Variants in IL5RA observed in about 807,000 individuals in gnomAD.
IL5RA encodes interleukin-5 receptor subunit alpha.
Under a neutral mutation model 50.0 loss-of-function variants are expected in IL5RA, and 49 were observed. The observed-to-expected ratio is 0.98, with a 90% CI of 0.78 to 1.24. IL5RA has a LOEUF of 1.24. IL5RA is among the 50% of genes most tolerant of loss of function. The pLI, the probability that IL5RA is intolerant of heterozygous loss-of-function variation, is 0.00. For synonymous variants in IL5RA, 202 were observed against 174.0 expected (o/e 1.16, Z -1.26); for missense variants, 600 against 500.4 (o/e 1.20, Z -1.90).
intron 11 of IL5RA, among the ~76,000 whole-genome samples, chr3:3,072,099 C>G (rs916089484): frequency 6.6e-6 from 1 of 152,366 alleles, no homozygotes; most frequent in African/African-American, 2.4e-5. Flanking sequence ...TCTTGTCACC[C>G]TTGTAGCACA....
chr3:3,097,072 C>A (rs1216420018), intron 7 of IL5RA, among the ~76,000 whole-genome samples: 3 of 152,182 alleles, frequency 2.0e-5, no homozygotes. Flanking sequence ...TAACCACCCA[C>A]CATTGAAATC....
In IL5RA at chr3:3,092,112, A is replaced by G; in HGVS notation, c.994+112T>C. 1 of 1,497,088 alleles carries G rather than the reference A, an allele frequency of 6.7e-7. No homozygotes were observed. The allele number at this position is 1,497,088 out of a possible 1,614,324, so 92.7% of individuals were successfully genotyped here. On this transcript the variant is annotated intron_variant, in intron 9 of 11. Coordinates refer to ENST00000446632, the MANE Select transcript of IL5RA (RefSeq NM_175726.4). The surrounding 1 kb of genome is among the most constrained non-coding windows in gnomAD (Gnocchi z 4.2). ...AGTAGACCGAGAGAAAATTAGTCAC[A>G]ATAGAGATATGAAACCATTTTAAGA...
chr3:3,091,958 G>A, intron 9 of IL5RA: 2 of 1,185,406 alleles, frequency 1.7e-6, no homozygotes, highest in Non-Finnish European at 2.1e-6. Context: ...TTTAAAAAAT[G>A]GATAGAAGTA....
rs17885064 is a variant in IL5RA at position 3,088,184 on chromosome 3, C to T, written c.994+4040G>A. 8.2e-3 allele frequency among the ~76,000 whole-genome samples: 1,245 copies of T among 152,278 alleles called. 13 individuals are homozygous for T. Among genetic ancestry groups the T allele is most frequent in the African/African-American group, 0.027 (1,112 of 41,566 alleles). ...TGGAGAGTGAATAATAAATTAAAAA[C>T]AAGCTTAAAATAAGCGCTCGTTATG... On this transcript the variant is annotated intron_variant, in intron 9 of 11. Transcript: ENST00000446632.
intron 11 of IL5RA, 36 bp downstream of exon 11, chr3:3,074,746 A>T (rs1326894942): frequency 8.0e-7 from 1 of 1,252,250 alleles, no homozygotes; most frequent in East Asian, 2.3e-5. Flanking sequence ...TCAACCCTGG[A>T]CACATACGGC....
Position 3,092,225 on chromosome 3 carries a change from C to T in IL5RA, c.993G>A (p.Val331=), listed in dbSNP as rs1019033766. Residue 331 remains valine, a splice_region_variant and synonymous_variant, in exon 9 of 12, where the codon GTG becomes GTA. Coordinates refer to ENST00000446632, the MANE Select transcript of IL5RA (RefSeq NM_175726.4). This position sits in a 1 kb window ranked among gnomAD's most constrained non-coding sequence, Gnocchi z 4.2. ...GTAAAATAAACATAAGCTACTTACC[C>T]ACATAAATAGGTTGGCTCCACTCAC... is the stretch of plus-strand genomic sequence containing the variant. ...LWSEWSQPIY[V]GNDEHKPLRE... is the part of the protein sequence containing the mutation. 5 of 1,612,374 alleles carry T rather than the reference C, an allele frequency of 3.1e-6. No homozygotes were observed. Among genetic ancestry groups the T allele is most frequent in the Non-Finnish European group, 4.2e-6 (5 of 1,179,628 alleles).
chr3:3,070,811 G>T (rs894259917), intron 11 of IL5RA, among the ~76,000 whole-genome samples: 4 of 151,852 alleles, frequency 2.6e-5, no homozygotes, highest in African/African-American at 9.7e-5. Flanking sequence ...TCGAACTCTT[G>T]ACCTTGTGAT....
At chr3:3,088,909 C>T (rs1327135550) in intron 9 of IL5RA, among the ~76,000 whole-genome samples, 1 of 152,180 alleles carries the variant, frequency 6.6e-6, no homozygotes, top group Non-Finnish European at 1.5e-5. Flanking sequence ...TAAACTTCCA[C>T]CTTAGGCATT....
chr3:3,086,798 G>A (rs756082196), intron 9 of IL5RA, among the ~76,000 whole-genome samples: 8 of 152,170 alleles, frequency 5.3e-5, no homozygotes, highest in Non-Finnish European at 1.0e-4. Context: ...CAATTGCAAA[G>A]ATATGGAATC....
At chr3:3,078,111 C>A (rs755199865) in intron 9 of IL5RA, among the ~76,000 whole-genome samples, 2 of 152,126 alleles carry the variant, frequency 1.3e-5, no homozygotes, top group Non-Finnish European at 2.9e-5. Flanking sequence ...TAATGACGAG[C>A]GTGCTAAATA....
At position 3,092,306 on chromosome 3, in the gene IL5RA, G is replaced by A. The variant is rs146961931; in HGVS notation, c.912C>T (p.Tyr304=). Residue 304 remains tyrosine (Y), a synonymous_variant, in exon 9 of 12, where the codon TAC becomes TAT. Coordinates refer to ENST00000446632, the MANE Select transcript of IL5RA (RefSeq NM_175726.4). The surrounding 1 kb of genome is among the most constrained non-coding windows in gnomAD (Gnocchi z 4.2). ...TCACTGCTGCTCTCACTTGAACATCGTACTTAGAAAGATCATCAATTATTG... is the reference window on the plus strand; with the variant it reads ...TCACTGCTGCTCTCACTTGAACATCATACTTAGAAAGATCATCAATTATTG... ...FISIIDDLSK[Y]DVQVRAAVSS... 128 of 1,613,758 alleles carry A rather than the reference G, an allele frequency of 7.9e-5. No individual in the cohort carries two copies. Among genetic ancestry groups the A allele is most frequent in the South Asian group, 6.1e-4 (56 of 91,092 alleles).
intron 7 of IL5RA, among the ~76,000 whole-genome samples, chr3:3,097,311 GAGA>G (rs1244411070): frequency 2.6e-5 from 4 of 152,192 alleles, no homozygotes; most frequent in Admixed American, 6.5e-5. Flanking sequence ...GTTAGCCTGG[GAGA>G]AGAAGGGCTT....
At chr3:3,072,083 G>A (rs181322040) in intron 11 of IL5RA, among the ~76,000 whole-genome samples, 2 of 152,310 alleles carry the variant, frequency 1.3e-5, no homozygotes, top group East Asian at 3.9e-4. Flanking sequence ...TAGCACCAAT[G>A]TGCCCTCTTG....
intron 7 of IL5RA, among the ~76,000 whole-genome samples, chr3:3,096,922 C>G (rs1027417440): frequency 1.3e-5 from 2 of 152,216 alleles, no homozygotes; most frequent in Non-Finnish European, 1.5e-5. Flanking sequence ...CTCACGAAGA[C>G]TGCACAGGAA....
intron 7 of IL5RA, among the ~76,000 whole-genome samples, chr3:3,096,078 A>T (rs11710950): frequency 0.26 from 38,889 of 152,000 alleles, 5,823 homozygotes; most frequent in East Asian, 0.35. Flanking sequence ...GGAGATCGAA[A>T]CCATCCTGGC....
intron 11 of IL5RA, among the ~76,000 whole-genome samples, chr3:3,072,616 T>G (rs1264327780): frequency 6.6e-6 from 1 of 152,192 alleles, no homozygotes. Context: ...ATGACTTCAG[T>G]TGGCTGCTTA....
intron 2 of IL5RA, among the ~76,000 whole-genome samples, chr3:3,107,014 G>A (rs1703954569): frequency 6.6e-6 from 1 of 152,004 alleles, no homozygotes; most frequent in Non-Finnish European, 1.5e-5. Context: ...ATATGAGCAA[G>A]CACTCTCCCC....
intron 2 of IL5RA, among the ~76,000 whole-genome samples, chr3:3,107,680 C>T (rs1054197929): frequency 2.6e-5 from 4 of 152,176 alleles, no homozygotes; most frequent in Admixed American, 2.0e-4. Flanking sequence ...AAATCATGAT[C>T]TCATGATCTA....
chr3:3,076,484 C>T, intron 10 of IL5RA, 47 bp downstream of exon 10: 1 of 1,165,936 alleles, frequency 8.6e-7, no homozygotes, highest in Non-Finnish European at 1.3e-6. Flanking sequence ...TGTAAAAATG[C>T]AGTACTGAAA....
Sources: allele counts gnomAD v4.1 joint callset (sites outside exome capture counted in the v4.1 genomes callset), GRCh38; gene constraint gnomAD v4.1.1; non-coding constraint Gnocchi (gnomAD v3.1); transcripts MANE v1.5; gene names NCBI Gene and HGNC (gene_info 2026-07-23, HGNC 2026-07-21).